Variants in SLC38A6 observed in about 807,000 individuals in gnomAD.
The protein encoded by SLC38A6 is solute carrier family 38 member 6.
A neutral mutation model predicts 65.0 loss-of-function variants in SLC38A6; 73 were observed. The observed-to-expected ratio is 1.12, with a 90% CI of 0.93 to 1.37. The LOEUF (loss-of-function observed/expected upper bound fraction) is 1.37. Among genes scored for constraint, SLC38A6 ranks in the 40% most tolerant of loss-of-function variants. The probability of loss-of-function intolerance (pLI) is 0.00; values close to 1 mark genes in which losing one functional copy is unlikely to be tolerated. For missense variants in SLC38A6, 561 were observed against 531.1 expected (o/e 1.06, Z -0.55); for synonymous variants, 183 against 178.8 (o/e 1.02, Z -0.19).
chr14:61,047,607 G>C (rs1000118954), intron 12 of SLC38A6, among the ~76,000 whole-genome samples: 32 of 151,984 alleles, frequency 2.1e-4, no homozygotes, highest in African/African-American at 7.7e-4. Flanking sequence ...CCAAGTTTTT[G>C]TTAAGGTGAT....
At chr14:60,996,842 C>T (rs1054203083) in intron 3 of SLC38A6, among the ~76,000 whole-genome samples, 2 of 152,138 alleles carry the variant, frequency 1.3e-5, no homozygotes, top group African/African-American at 4.8e-5. Flanking sequence ...AAAACAATGC[C>T]TTCAAAATTC....
chr14:60,987,488 T>G (rs1290911451), intron 3 of SLC38A6: 1 of 152,288 alleles, frequency 6.6e-6, no homozygotes, highest in Non-Finnish European at 1.5e-5. Flanking sequence ...GTAAAGAACC[T>G]TATTCTCTCT....
chr14:61,075,652 C>T (rs2043374780), intron 15 of SLC38A6, among the ~76,000 whole-genome samples: 1 of 152,086 alleles, frequency 6.6e-6, no homozygotes, highest in African/African-American at 2.4e-5. Flanking sequence ...AGAGGTAGAT[C>T]TTGGAGATTG....
At chr14:60,997,754 G>A (rs1032893381) in intron 3 of SLC38A6, among the ~76,000 whole-genome samples, 7 of 152,194 alleles carry the variant, frequency 4.6e-5, no homozygotes, top group Non-Finnish European at 4.4e-5. Context: ...TGATATCTGA[G>A]TAAATGTGGA....
chr14:61,076,561 G>A (rs2043426668), intron 15 of SLC38A6, among the ~76,000 whole-genome samples: 1 of 152,140 alleles, frequency 6.6e-6, no homozygotes, highest in Admixed American at 6.5e-5. Context: ...GACTATAAAG[G>A]CTGTGTGCTT....
intron 3 of SLC38A6, among the ~76,000 whole-genome samples, chr14:61,013,973 G>C (rs1374783347): frequency 6.6e-6 from 1 of 152,228 alleles, no homozygotes; most frequent in Non-Finnish European, 1.5e-5. Flanking sequence ...ATATGCTGCA[G>C]AGTGTTTTCC....
intron 3 of SLC38A6, among the ~76,000 whole-genome samples, chr14:60,990,599 A>G (rs1338247967): frequency 2.0e-5 from 3 of 152,020 alleles, no homozygotes; most frequent in African/African-American, 4.8e-5. Context: ...CTCATCCTGC[A>G]TGTTCAGTCC....
downstream of SLC38A6, chr14:61,052,647 T>G (rs1476612415): frequency 2.3e-6 from 1 of 441,454 alleles, no homozygotes; most frequent in East Asian, 5.6e-5. Context: ...GGGTTGATCT[T>G]TTGTTTTTTA....
At chr14:61,026,731 C>T (rs1243621837) in intron 5 of SLC38A6, among the ~76,000 whole-genome samples, 5 of 151,546 alleles carry the variant, frequency 3.3e-5, no homozygotes, top group Admixed American at 2.0e-4. Context: ...TCAACCCAGG[C>T]GGGCTGTTTG....
At chr14:61,005,034 T>C (rs1282496209) in intron 3 of SLC38A6, among the ~76,000 whole-genome samples, 1 of 152,134 alleles carries the variant, frequency 6.6e-6, no homozygotes, top group Admixed American at 6.5e-5. Context: ...TGGTTCAATA[T>C]ACGCAAATCA....
intron 15 of SLC38A6, among the ~76,000 whole-genome samples, chr14:61,072,852 A>T (rs1423043998): frequency 2.2e-4 from 34 of 152,336 alleles, no homozygotes; most frequent in Non-Finnish European, 2.9e-5. Flanking sequence ...GAGTGCAGAT[A>T]GCTCTTCAGT....
intron 12 of SLC38A6, among the ~76,000 whole-genome samples, chr14:61,049,655 T>C (rs1373166540): frequency 6.6e-6 from 1 of 152,188 alleles, no homozygotes; most frequent in Non-Finnish European, 1.5e-5. Context: ...CATCTCTTCT[T>C]AAAGTTCCCT....
At chr14:61,005,619 T>A (rs1036521348) in intron 3 of SLC38A6, among the ~76,000 whole-genome samples, 4 of 152,088 alleles carry the variant, frequency 2.6e-5, no homozygotes, top group African/African-American at 7.2e-5. Context: ...GGAATCCAAC[T>A]TAGAAGGGAT....
intron 8 of SLC38A6, among the ~76,000 whole-genome samples, chr14:61,039,524 A>ATTTTTTTTT (rs5809078): frequency 7.7e-6 from 1 of 130,598 alleles, no homozygotes; most frequent in Non-Finnish European, 1.6e-5. Context: ...GTGCATGCTA[A>ATTTTTTTTT]TTTTTTTTTT....
At chr14:61,028,925 G>A (rs2040772615) in intron 5 of SLC38A6, among the ~76,000 whole-genome samples, 1 of 152,026 alleles carries the variant, frequency 6.6e-6, no homozygotes, top group South Asian at 2.1e-4. Context: ...TGGTCACATA[G>A]CATTGTAATC....
chr14:61,029,742 G>A (rs2040834306), intron 5 of SLC38A6, among the ~76,000 whole-genome samples: 1 of 152,084 alleles, frequency 6.6e-6, no homozygotes, highest in Admixed American at 6.5e-5. Context: ...CTAGCTTCAG[G>A]TTATGATTAC....
chr14:61,077,396 G>A (rs755033774), intron 15 of SLC38A6, among the ~76,000 whole-genome samples: 1 of 152,192 alleles, frequency 6.6e-6, no homozygotes, highest in Non-Finnish European at 1.5e-5. Context: ...TCTTTCCCCA[G>A]TCATTACTAA....
intron 15 of SLC38A6, among the ~76,000 whole-genome samples, chr14:61,065,515 G>T (rs918989087): frequency 2.0e-5 from 3 of 152,264 alleles, no homozygotes; most frequent in South Asian, 2.1e-4. Context: ...TACATATAAA[G>T]CATCTACCTT....
At chr14:60,991,824 C>T (rs1203050040) in intron 3 of SLC38A6, among the ~76,000 whole-genome samples, 1 of 152,156 alleles carries the variant, frequency 6.6e-6, no homozygotes, top group Non-Finnish European at 1.5e-5. Flanking sequence ...CCTTCCCCAT[C>T]CTTGAGGTCT....
Sources: gnomAD v4.1 joint callset for allele counts (sites outside exome capture counted in the v4.1 genomes callset) on GRCh38, gnomAD v4.1.1 for gene constraint, MANE v1.5 for transcripts, NCBI Gene and HGNC (gene_info 2026-07-23, HGNC 2026-07-21) for gene names.